STK17A: variants seen among roughly 807,000 people sequenced by gnomAD.
STK17A encodes serine/threonine kinase 17a, also known as serine/threonine-protein kinase 17A.
In STK17A, 26 loss-of-function variants were observed where a neutral mutation model predicts 43.7. That is an observed-to-expected ratio of 0.60 (90% CI 0.44 to 0.83). STK17A has a LOEUF of 0.83. STK17A is among the 40% of genes least tolerant of loss of function. STK17A has a pLI of 0.00. For missense variants in STK17A, 476 were observed against 511.6 expected (o/e 0.93, Z 0.67); for synonymous variants, 191 against 182.5 (o/e 1.05, Z -0.38).
chr7:43,590,173 T>C (rs1370641184), intron 1 of STK17A, among the ~76,000 whole-genome samples: 1 of 151,134 alleles, frequency 6.6e-6, no homozygotes, highest in Non-Finnish European at 1.5e-5. Context: ...CTCGAACTCC[T>C]GGGCTCAAGC....
intron 2 of STK17A, among the ~76,000 whole-genome samples, chr7:43,601,571 A>G (rs1241675825): frequency 1.3e-5 from 2 of 152,142 alleles, no homozygotes; most frequent in Non-Finnish European, 2.9e-5. Flanking sequence ...TCAGCCTTTC[A>G]TCCTGGGACC....
intron 2 of STK17A, among the ~76,000 whole-genome samples, chr7:43,597,993 A>T (rs13242059): frequency 6.6e-6 from 1 of 152,140 alleles, no homozygotes; most frequent in South Asian, 2.1e-4. Flanking sequence ...ATAACTATAT[A>T]CCATAAATTG....
At chr7:43,589,254 T>C (rs2082463495) in intron 1 of STK17A, among the ~76,000 whole-genome samples, 1 of 151,370 alleles carries the variant, frequency 6.6e-6, no homozygotes, top group Non-Finnish European at 1.5e-5. Context: ...GATAAAAAGA[T>C]GAAGAATAAG....
At chr7:43,618,759 TG>T (rs1438501988) in intron 3 of STK17A, among the ~76,000 whole-genome samples, 1 of 152,226 alleles carries the variant, frequency 6.6e-6, no homozygotes, top group Non-Finnish European at 1.5e-5. Context: ...TCACTGATTC[TG>T]TGGCTCTGGG....
At chr7:43,598,095 A>G (rs1314939723) in intron 2 of STK17A, among the ~76,000 whole-genome samples, 2 of 152,214 alleles carry the variant, frequency 1.3e-5, no homozygotes, top group Non-Finnish European at 2.9e-5. Context: ...GTAATAACAT[A>G]CATGTTTTTA....
chr7:43,583,505 G>T, intron 1 of STK17A, 56 bp downstream of exon 1: 1 of 1,242,560 alleles, frequency 8.0e-7, no homozygotes. Context: ...GGCGGGACGT[G>T]GGCGCCGATA....
chr7:43,589,172 A>G (rs2082462948), intron 1 of STK17A, among the ~76,000 whole-genome samples: 1 of 151,578 alleles, frequency 6.6e-6, no homozygotes, highest in Non-Finnish European at 1.5e-5. Flanking sequence ...TTATTTAACA[A>G]AATAATAAGC....
Position 43,583,206 on chromosome 7 carries a change from G to C in STK17A, c.-38G>C. The C allele has an allele frequency of 1.9e-6, 3 of 1,551,774 alleles. No individual in the cohort carries two copies. Among genetic ancestry groups the C allele is most frequent in the Non-Finnish European group, 2.6e-6 (3 of 1,150,660 alleles). ...GTCCGTGACCCTCCGGCTGCTCGGA[G>C]TGAACAGGCGGCCAGGAAAGAAGCG... On this transcript the variant is annotated 5_prime_UTR_variant, in exon 1 of 7. Coordinates refer to ENST00000319357, the MANE Select transcript of STK17A (RefSeq NM_004760.3).
At chr7:43,608,540 A>G (rs538824377) in intron 3 of STK17A, 140 bp downstream of exon 3, 358 of 947,530 alleles carry the variant, frequency 3.8e-4, no homozygotes, top group South Asian at 1.1e-3. Context: ...CTTTACTCCT[A>G]TCCTCTAGCC....
intron 3 of STK17A, among the ~76,000 whole-genome samples, chr7:43,612,963 A>C (rs984330439): frequency 2.6e-5 from 4 of 152,238 alleles, no homozygotes; most frequent in African/African-American, 9.7e-5. Context: ...GAGAAACAAC[A>C]ACCCTGGCAA....
At chr7:43,584,818 C>A (rs1182513795) in intron 1 of STK17A, among the ~76,000 whole-genome samples, 2 of 152,196 alleles carry the variant, frequency 1.3e-5, no homozygotes, top group African/African-American at 4.8e-5. Context: ...TACTTTGTGA[C>A]AAAAGATGAA....
At chr7:43,596,896 T>C in intron 2 of STK17A, among the ~76,000 whole-genome samples, 2 of 149,340 alleles carry the variant, frequency 1.3e-5, no homozygotes, top group Non-Finnish European at 1.5e-5. Flanking sequence ...ACCTTAATAC[T>C]CATGCCTGTA....
intron 4 of STK17A, chr7:43,622,293 A>G (rs2083978624): frequency 6.6e-6 from 1 of 152,178 alleles, no homozygotes; most frequent in Non-Finnish European, 1.5e-5. Context: ...CATTTCAGAA[A>G]TCAAAATTTA....
chr7:43,604,253 G>A (rs550674049), intron 2 of STK17A, among the ~76,000 whole-genome samples: 1 of 152,182 alleles, frequency 6.6e-6, no homozygotes, highest in South Asian at 2.1e-4. Flanking sequence ...AAATAGCAGA[G>A]CCAGAATTTA....
At position 43,619,647 on chromosome 7, in the gene STK17A, T is replaced by G. The variant is rs2083674277; in HGVS notation, c.615T>G (p.Ile205Met). The G allele has an allele frequency of 1.9e-6, 3 of 1,614,020 alleles. No individual in the cohort carries two copies. The highest frequency in any genetic ancestry group is 2.5e-6 in the Non-Finnish European group (3 of 1,180,022). ...AATCTCCATTGGGTGACATTAAGAT[T>G]GTTGATTTTGGCCTTTCAAGAATAT... ...TSESPLGDIK[I>M]VDFGLSRILK... Residue 205 changes from isoleucine (I) to methionine (M), a missense_variant, in exon 4 of 7, where the codon ATT (isoleucine) becomes ATG (methionine). Transcript: ENST00000319357.
intron 2 of STK17A, among the ~76,000 whole-genome samples, chr7:43,606,028 C>A (rs1041285566): frequency 2.7e-5 from 4 of 150,500 alleles, no homozygotes; most frequent in Non-Finnish European, 4.4e-5. Flanking sequence ...TTTTTTTTTT[C>A]TACTTCCTTT....
At chr7:43,595,816 C>T in intron 1 of STK17A, 85 bp from the exon 2 acceptor site, 1 of 1,275,956 alleles carries the variant, frequency 7.8e-7, no homozygotes, top group South Asian at 1.4e-5. Context: ...GAATATCTAC[C>T]AATGGGTATT....
At chr7:43,591,142 G>C (rs1225759137) in intron 1 of STK17A, among the ~76,000 whole-genome samples, 1 of 151,500 alleles carries the variant, frequency 6.6e-6, no homozygotes, top group Non-Finnish European at 1.5e-5. Context: ...AGTTTCAGTG[G>C]TATGTGGTAT....
rs1167574860 is a variant in STK17A, at chr7:43,625,558, C to CA, written c.*717dup. The CA allele has an allele frequency of 1.3e-5, 2 of 152,226 alleles. No individual in the cohort carries two copies. The highest frequency in any genetic ancestry group is 4.8e-5 in the African/African-American group (2 of 41,410). The allele number at this position is 152,226 out of a possible 1,614,324, so 9.4% of individuals were successfully genotyped here. A position where few individuals can be genotyped will look rare whatever the true frequency, so the allele number is the denominator to read the frequency against. The stretch of plus-strand genomic sequence containing the variant: ...AGCTCTTGAGCTGCTTCCCTCATCA[C>CA]ACCACACTCACATGCATCTGTTCTC... On this transcript the variant is annotated 3_prime_UTR_variant, in exon 7 of 7. Transcript: ENST00000319357.
Sources: gnomAD v4.1 joint callset for allele counts (sites outside exome capture counted in the v4.1 genomes callset) on GRCh38, gnomAD v4.1.1 for gene constraint, MANE v1.5 for transcripts, NCBI Gene and HGNC (gene_info 2026-07-23, HGNC 2026-07-21) for gene names.